Variants in PTPRK observed in about 807,000 individuals in gnomAD.
PTPRK encodes receptor-type tyrosine-protein phosphatase kappa.
Under a neutral mutation model 178.0 loss-of-function variants are expected in PTPRK, and 75 were observed. That is an observed-to-expected ratio of 0.42 (90% confidence interval 0.35 to 0.51). The LOEUF is 0.51. Ranked by LOEUF, PTPRK falls within the 20% of genes least tolerant of loss-of-function variation. The probability of loss-of-function intolerance (pLI) is 0.02; values close to 1 mark genes in which losing one functional copy is unlikely to be tolerated. For missense variants in PTPRK, 1,441 were observed against 1,797.8 expected, an observed-to-expected ratio of 0.80 and a Z score of 3.59; for synonymous variants, 637 against 620.6, an observed-to-expected ratio of 1.03 and a Z score of -0.39.
At chr6:128,446,118 T>G (rs1329235658) in intron 1 of PTPRK, among the ~76,000 whole-genome samples, 1 of 152,210 alleles carries the variant, frequency 6.6e-6, no homozygotes, top group Non-Finnish European at 1.5e-5. Context: ...CCTGCACTTC[T>G]CACTAATGTT....
chr6:128,417,857 G>T (rs978932355), intron 1 of PTPRK, among the ~76,000 whole-genome samples: 2 of 152,114 alleles, frequency 1.3e-5, no homozygotes, highest in Non-Finnish European at 2.9e-5. Flanking sequence ...GGTCCTTTTC[G>T]TGTCTAATTC....
chr6:128,006,109 C>CTT, intron 14 of PTPRK: 1 of 1,348,562 alleles, frequency 7.4e-7, no homozygotes, highest in Non-Finnish European at 1.0e-6. Context: ...GAATGAAAAG[C>CTT]GTGACTCTGT....
chr6:128,071,237 G>A (rs1295352214), intron 11 of PTPRK, among the ~76,000 whole-genome samples: 1 of 151,638 alleles, frequency 6.6e-6, no homozygotes, highest in Non-Finnish European at 1.5e-5. Flanking sequence ...AGTTTAAAAC[G>A]ACAACAAAAC....
chr6:128,097,022 C>T (rs1341522369), intron 7 of PTPRK, among the ~76,000 whole-genome samples: 2 of 152,088 alleles, frequency 1.3e-5, no homozygotes, highest in African/African-American at 2.4e-5. Context: ...CAAGGTTTTA[C>T]ATTTCACTTC....
At chr6:128,283,345 G>T (rs1275918999) in intron 3 of PTPRK, among the ~76,000 whole-genome samples, 1 of 152,134 alleles carries the variant, frequency 6.6e-6, no homozygotes, top group Non-Finnish European at 1.5e-5. Context: ...ATAAACCAAG[G>T]AGCAAAAGTG....
chr6:128,372,464 A>T (rs193211950), intron 2 of PTPRK, among the ~76,000 whole-genome samples: 4 of 152,320 alleles, frequency 2.6e-5, no homozygotes, highest in Admixed American at 2.0e-4. Flanking sequence ...CCAACATTCA[A>T]TGTATCAGGA....
chr6:127,977,561 A>G (rs1774749584), intron 25 of PTPRK, among the ~76,000 whole-genome samples: 3 of 152,206 alleles, frequency 2.0e-5, no homozygotes, highest in African/African-American at 7.2e-5. Flanking sequence ...AAAAACCACA[A>G]GTAGCTCAAA....
chr6:128,038,689 G>A (rs1776645443), intron 13 of PTPRK, among the ~76,000 whole-genome samples: 1 of 152,036 alleles, frequency 6.6e-6, no homozygotes, highest in Non-Finnish European at 1.5e-5. Context: ...GTATTTCCAG[G>A]CTTTTCTTAA....
At chr6:128,046,900 T>A (rs1304982798) in intron 13 of PTPRK, among the ~76,000 whole-genome samples, 1 of 152,198 alleles carries the variant, frequency 6.6e-6, no homozygotes, top group Non-Finnish European at 1.5e-5. Context: ...ACAGATAAAC[T>A]GTTCTTTTTC....
chr6:128,401,280 T>A (rs1304422802), intron 1 of PTPRK, among the ~76,000 whole-genome samples: 1 of 152,158 alleles, frequency 6.6e-6, no homozygotes, highest in Non-Finnish European at 1.5e-5. Context: ...AAAAATGTGG[T>A]ACTAAGTAGT....
At chr6:128,493,906 G>C (rs574988769) in intron 1 of PTPRK, among the ~76,000 whole-genome samples, 4 of 152,166 alleles carry the variant, frequency 2.6e-5, no homozygotes, top group African/African-American at 9.6e-5. Context: ...ATTTCTACGT[G>C]AGTTATAACA....
chr6:128,261,547 T>A (rs1459515871), intron 3 of PTPRK, among the ~76,000 whole-genome samples: 1 of 152,144 alleles, frequency 6.6e-6, no homozygotes, highest in African/African-American at 2.4e-5. Context: ...ACAGGGGAAG[T>A]ACTGTGTGCA....
chr6:128,023,748 G>C (rs1773874673), intron 13 of PTPRK, among the ~76,000 whole-genome samples: 1 of 152,088 alleles, frequency 6.6e-6, no homozygotes, highest in South Asian at 2.1e-4. Flanking sequence ...CACCCACCTG[G>C]GCTCAAGCGA....
chr6:128,346,490 C>T (rs1489471653), intron 2 of PTPRK, among the ~76,000 whole-genome samples: 3 of 151,830 alleles, frequency 2.0e-5, no homozygotes, highest in Non-Finnish European at 2.9e-5. Context: ...GATATAAAGT[C>T]CCAATCTAAA....
intron 3 of PTPRK, among the ~76,000 whole-genome samples, chr6:128,320,886 T>A (rs1444395099): frequency 8.5e-5 from 13 of 152,082 alleles, no homozygotes; most frequent in Admixed American, 8.5e-4. Flanking sequence ...AAGAGAAATA[T>A]CCTTATGCTC....
intron 2 of PTPRK, among the ~76,000 whole-genome samples, chr6:128,384,241 T>C (rs1347633693): frequency 2.0e-5 from 3 of 152,216 alleles, no homozygotes; most frequent in Non-Finnish European, 4.4e-5. Flanking sequence ...ACACGCACGA[T>C]AGTCCACAAA....
chr6:128,510,558 C>A (rs1267014864), intron 1 of PTPRK, among the ~76,000 whole-genome samples: 1 of 152,142 alleles, frequency 6.6e-6, no homozygotes, highest in Non-Finnish European at 1.5e-5. Flanking sequence ...GTGTCAATAT[C>A]ATTTACCACA....
rs574181816 is a variant in PTPRK, at chr6:127,992,445, C to G, written c.2881+228G>C. ...GTAACAAGGATCAAATCATAATAACCACTACCAGCTTTTCTTTCACTTTTA... is the reference window on the plus strand; with the variant it reads ...GTAACAAGGATCAAATCATAATAACGACTACCAGCTTTTCTTTCACTTTTA... On this transcript the variant is annotated intron_variant, in intron 19 of 29. Coordinates refer to ENST00000368226, the MANE Select transcript of PTPRK (RefSeq NM_002844.4). Among the ~76,000 whole-genome samples, 5 of 151,824 alleles carry G rather than the reference C, an allele frequency of 3.3e-5. No individual in the cohort carries two copies. The East Asian group carries it at 9.7e-4, about 29-fold the overall frequency.
At chr6:128,365,743 T>A (rs373729189) in intron 2 of PTPRK, among the ~76,000 whole-genome samples, 6 of 151,998 alleles carry the variant, frequency 3.9e-5, no homozygotes, top group East Asian at 3.9e-4. Flanking sequence ...GGCTGGAGAG[T>A]TGAATGGCTT....
Sources: allele counts gnomAD v4.1 joint callset (sites outside exome capture counted in the v4.1 genomes callset), GRCh38; gene constraint gnomAD v4.1.1; transcripts MANE v1.5; gene names NCBI Gene and HGNC (gene_info 2026-07-23, HGNC 2026-07-21).